NEB: variants seen among roughly 807,000 people sequenced by gnomAD.
The protein encoded by NEB is nebulin, also known as nemaline myopathy type 2.
Under a neutral mutation model 952.2 loss-of-function variants are expected in NEB, and 512 were observed. That is an observed-to-expected ratio of 0.54 (90% CI 0.50 to 0.58). The LOEUF (loss-of-function observed/expected upper bound fraction) is 0.58. Among genes scored for constraint, NEB ranks in the 20% least tolerant of loss-of-function variants. NEB has a pLI of 0.00. For synonymous variants in NEB, 2,900 were observed against 3,149.8 expected (o/e 0.92, Z 2.66); for missense variants, 8,428 against 9,231.1 (o/e 0.91, Z 3.56).
At chr2:151,502,672 C>T in intron 167 of NEB, 121 bp downstream of exon 167, 1 of 672,406 alleles carries the variant, frequency 1.5e-6, no homozygotes, top group Admixed American at 2.6e-5. Flanking sequence ...GGGTTGAAAA[C>T]TGAGGTAATA....
chr2:151,649,016 T>C (rs1238043301), intron 54 of NEB, among the ~76,000 whole-genome samples: 1 of 152,132 alleles, frequency 6.6e-6, no homozygotes, highest in Non-Finnish European at 1.5e-5. Context: ...AGAACGTGTA[T>C]ATCGATAAAC....
At chr2:151,630,660 A>C (rs892846677) in intron 67 of NEB, 55 bp downstream of exon 67, 8 of 1,425,434 alleles carry the variant, frequency 5.6e-6, no homozygotes, top group Non-Finnish European at 7.8e-6. Flanking sequence ...AATCTCCACA[A>C]AACTAAGTAT....
In NEB at chr2:151,505,477, C is replaced by G; in HGVS notation, c.23742+1G>C. On this transcript the variant is annotated splice_donor_variant, in intron 165 of 181. Transcript: ENST00000397345. LOFTEE classifies it high-confidence loss of function. ...ATGGAAGCTGAGAGTATGGCCACTA[C>G]CGAGCTAATGTGCTTCTGCGTCTCC... The G allele has an allele frequency of 6.2e-7, 1 of 1,613,168 alleles. No homozygotes were observed. Among genetic ancestry groups the G allele is most frequent in the Non-Finnish European group, 8.5e-7 (1 of 1,179,216 alleles).
intron 179 of NEB, 75 bp downstream of exon 179, chr2:151,491,608 G>A (rs527256438): frequency 3.2e-6 from 4 of 1,248,782 alleles, no homozygotes; most frequent in Non-Finnish European, 4.6e-6. Context: ...GAACTTCAGA[G>A]CCCAAATGAA....
intron 107 of NEB, among the ~76,000 whole-genome samples, chr2:151,574,875 G>T (rs939301159): frequency 1.8e-4 from 28 of 152,048 alleles, no homozygotes; most frequent in Non-Finnish European, 4.4e-5. Context: ...TGGGCCACAG[G>T]TGCACCTCAC....
At chr2:151,697,500 T>C (rs1217817774) in intron 14 of NEB, 43 bp from the exon 15 acceptor site, 3 of 1,605,924 alleles carry the variant, frequency 1.9e-6, no homozygotes, top group Middle Eastern at 1.7e-4. Context: ...GGTGAAATAA[T>C]GGGTTCTTTT....
At chr2:151,617,545 TG>T in intron 74 of NEB, 77 bp from the exon 75 acceptor site, 1 of 888,622 alleles carries the variant, frequency 1.1e-6, no homozygotes, top group Non-Finnish European at 1.7e-6. Flanking sequence ...GTTTTGATTA[TG>T]TGCCAGTCAT....
At chr2:151,731,656 G>A (rs771610726) in intron 3 of NEB, among the ~76,000 whole-genome samples, 4 of 152,150 alleles carry the variant, frequency 2.6e-5, no homozygotes, top group Admixed American at 6.6e-5. Context: ...TCTAAAAATA[G>A]CCACCTCCTT....
chr2:151,506,689 TTAAAAA>T (rs924248308), intron 163 of NEB, among the ~76,000 whole-genome samples: 1 of 152,166 alleles, frequency 6.6e-6, no homozygotes, highest in Non-Finnish European at 1.5e-5. Flanking sequence ...ATTAAAAAAT[TTAAAAA>T]TAAAAGTTAC....
intron 13 of NEB, among the ~76,000 whole-genome samples, chr2:151,704,779 A>C (rs1259634313): frequency 1.3e-5 from 2 of 152,168 alleles, no homozygotes; most frequent in African/African-American, 4.8e-5. Context: ...TAGTGAGATG[A>C]ACCCGGTACC....
chr2:151,727,975 TA>T, intron 4 of NEB, 69 bp from the exon 5 acceptor site: 1 of 1,224,300 alleles, frequency 8.2e-7, no homozygotes, highest in East Asian at 2.4e-5. Flanking sequence ...TCTTAGTATA[TA>T]TTAGTCTAAC....
chr2:151,500,156 T>G (rs1376085876), intron 168 of NEB, among the ~76,000 whole-genome samples: 1 of 152,074 alleles, frequency 6.6e-6, no homozygotes, highest in Admixed American at 6.6e-5. Flanking sequence ...CATTGAAAAT[T>G]TAACAAAATT....
intron 65 of NEB, 124 bp from the exon 66 acceptor site, chr2:151,631,470 T>A: frequency 9.8e-7 from 1 of 1,017,022 alleles, no homozygotes; most frequent in Non-Finnish European, 1.4e-6. Flanking sequence ...GCGCGTTGTA[T>A]AAGGCAAACT....
chr2:151,683,277 A>C (rs1302786213), intron 28 of NEB, among the ~76,000 whole-genome samples: 3 of 152,174 alleles, frequency 2.0e-5, no homozygotes, highest in Admixed American at 2.0e-4. Context: ...GAGTGTTTCT[A>C]CATTGGCTAA....
At chr2:151,719,551 A>G (rs1198440302) in intron 9 of NEB, among the ~76,000 whole-genome samples, 1 of 152,202 alleles carries the variant, frequency 6.6e-6, no homozygotes, top group African/African-American at 2.4e-5. Flanking sequence ...TTTGAAATGT[A>G]TTTACACAAA....
chr2:151,530,809 A>G lies in NEB; in HGVS notation c.21630+185T>C. 3.8e-6 allele frequency: 2 copies of G among 520,744 alleles called. 1 individual carries two copies. The highest frequency in any genetic ancestry group is 6.8e-6 in the Non-Finnish European group (2 of 293,164). 32.3% of individuals were successfully genotyped at this position (520,744 alleles called of 1,614,324 possible). ...CCAGGTGTCTGCCAGCAACATGGGG[A>G]GCAGGACTGTTCAGCTGTGTCCAGT... On this transcript the variant is annotated intron_variant, in intron 145 of 181. Transcript: ENST00000397345.
chr2:151,669,224 TTG>T (rs2099256427), intron 38 of NEB, 93 bp from the exon 39 acceptor site: 1 of 908,300 alleles, frequency 1.1e-6, no homozygotes, highest in African/African-American at 1.7e-5. Context: ...AGGCTATCAT[TTG>T]TGTTTTCCAT....
intron 164 of NEB, 110 bp from the exon 165 acceptor site, chr2:151,505,680 AAAT>A: frequency 1.1e-6 from 1 of 880,990 alleles, no homozygotes; most frequent in Non-Finnish European, 1.9e-6. Context: ...TTAACAGTGT[AAAT>A]AACGCAGGCT....
chr2:151,726,816 A>G (rs2099792258), intron 5 of NEB, among the ~76,000 whole-genome samples: 1 of 152,136 alleles, frequency 6.6e-6, no homozygotes, highest in African/African-American at 2.4e-5. Context: ...ACCTGTGGCC[A>G]GGAGTTTACG....
Sources: allele counts gnomAD v4.1 joint callset (sites outside exome capture counted in the v4.1 genomes callset), GRCh38; gene constraint gnomAD v4.1.1; transcripts MANE v1.5; gene names NCBI Gene and HGNC (gene_info 2026-07-23, HGNC 2026-07-21).